GLDC: variants seen among roughly 807,000 people sequenced by gnomAD.
The protein encoded by GLDC is glycine decarboxylase.
Under a neutral mutation model 121.3 loss-of-function variants are expected in GLDC, and 104 were observed. That is an observed-to-expected ratio of 0.86 (90% CI 0.73 to 1.01). GLDC has a LOEUF of 1.01. GLDC is among the 50% of genes least tolerant of loss of function. The probability of loss-of-function intolerance (pLI) is 0.00; values close to 1 mark genes in which losing one functional copy is unlikely to be tolerated. For synonymous variants in GLDC, 546 were observed against 480.6 expected (o/e 1.14, Z -1.78); for missense variants, 1,429 against 1,306.6 (o/e 1.09, Z -1.44).
At position 6,619,925 on chromosome 9, in the gene GLDC, G is replaced by C. The variant is rs147538566; in HGVS notation, c.470+259C>G. Among the ~76,000 whole-genome samples, 450 of 152,324 alleles carry C rather than the reference G, an allele frequency of 3.0e-3. 2 individuals are homozygous for C. Among genetic ancestry groups the C allele is most frequent in the African/African-American group, 0.01 (429 of 41,560 alleles). On this transcript the variant is annotated intron_variant, in intron 3 of 24. Transcript: ENST00000321612. ...AGCACAGAAATTAAGCTGCAGAAGAGGAAGAGATGACCAGATCCACAATTT... is the reference window on the plus strand; with the variant it reads ...AGCACAGAAATTAAGCTGCAGAAGACGAAGAGATGACCAGATCCACAATTT...
At chr9:6,556,446 G>A in intron 17 of GLDC, 144 bp from the exon 18 acceptor site, 5 of 681,658 alleles carry the variant, frequency 7.3e-6, no homozygotes, top group Admixed American at 7.2e-5. Flanking sequence ...TACAATGACA[G>A]CAATAAAAAA....
chr9:6,571,171 T>TAA (rs1817958955), intron 15 of GLDC, among the ~76,000 whole-genome samples: 1 of 150,942 alleles, frequency 6.6e-6, no homozygotes, highest in South Asian at 2.1e-4. Context: ...GCTACTTTTT[T>TAA]TAAAAAAAAA....
chr9:6,574,718 A>G (rs145007048), intron 15 of GLDC, among the ~76,000 whole-genome samples: 2 of 152,034 alleles, frequency 1.3e-5, no homozygotes, highest in Non-Finnish European at 2.9e-5. Context: ...TTTTCCTGGC[A>G]TTCTGACTGT....
intron 21 of GLDC, among the ~76,000 whole-genome samples, chr9:6,542,554 C>T (rs1222748299): frequency 1.9e-4 from 29 of 151,748 alleles, no homozygotes; most frequent in Admixed American, 1.8e-3. Context: ...TGCTTTCTAA[C>T]AATGATGGGG....
intron 2 of GLDC, among the ~76,000 whole-genome samples, chr9:6,636,733 C>CCA (rs1458900711): frequency 6.6e-6 from 1 of 152,046 alleles, no homozygotes; most frequent in Non-Finnish European, 1.5e-5. Context: ...TGTAATCACA[C>CCA]CACTGCACTC....
chr9:6,543,446 G>C (rs1469321366), intron 21 of GLDC, among the ~76,000 whole-genome samples: 1 of 152,116 alleles, frequency 6.6e-6, no homozygotes, highest in South Asian at 2.1e-4. Context: ...CAGAGGTTCA[G>C]TAATAGCTGA....
chr9:6,611,398 T>C (rs1039570364), intron 3 of GLDC, among the ~76,000 whole-genome samples: 1 of 152,090 alleles, frequency 6.6e-6, no homozygotes, highest in Non-Finnish European at 1.5e-5. Context: ...CTACTAAAAA[T>C]ACAAACAATT....
intron 21 of GLDC, among the ~76,000 whole-genome samples, chr9:6,543,990 A>T (rs1817330259): frequency 1.3e-5 from 2 of 152,168 alleles, no homozygotes; most frequent in African/African-American, 4.8e-5. Context: ...GGTAAGAACA[A>T]TATGGGAGTG....
At chr9:6,539,460 C>G (rs1456187193) in intron 22 of GLDC, among the ~76,000 whole-genome samples, 1 of 152,066 alleles carries the variant, frequency 6.6e-6, no homozygotes, top group Non-Finnish European at 1.5e-5. Flanking sequence ...GCCTGGGCGA[C>G]AAAGTGAGAC....
chr9:6,532,858 C>G lies in GLDC; in HGVS notation c.*159G>C. Reference sequence around the variant, plus strand: ...TCCAACCATCAGCTTCGACTCCCTCCAGCTACTGTATTTACATTTACCTTG... The same window carrying G: ...TCCAACCATCAGCTTCGACTCCCTCGAGCTACTGTATTTACATTTACCTTG... On this transcript the variant is annotated 3_prime_UTR_variant, in exon 25 of 25. Coordinates refer to ENST00000321612, the MANE Select transcript of GLDC (RefSeq NM_000170.3). 1.4e-6 allele frequency: 1 copy of G among 705,928 alleles called. No homozygotes were observed. Among genetic ancestry groups the G allele is most frequent in the Non-Finnish European group, 2.6e-6 (1 of 389,386 alleles). 43.7% of individuals were successfully genotyped at this position (705,928 alleles called of 1,614,324 possible).
intron 2 of GLDC, among the ~76,000 whole-genome samples, chr9:6,637,093 T>C (rs1260283356): frequency 6.7e-6 from 1 of 149,932 alleles, no homozygotes; most frequent in East Asian, 2.0e-4. Flanking sequence ...GTTTGTTTTT[T>C]TTTTTAAAAA....
intron 2 of GLDC, among the ~76,000 whole-genome samples, chr9:6,638,151 A>G (rs1819547137): frequency 6.6e-6 from 1 of 151,552 alleles, no homozygotes; most frequent in African/African-American, 2.4e-5. Context: ...TGCACATTGC[A>G]TTTCTCCATT....
At position 6,533,123 on chromosome 9, in the gene GLDC, A is replaced by T; in HGVS notation, c.2957T>A (p.Ile986Asn). The T allele has an allele frequency of 6.2e-7, 1 of 1,613,238 alleles. No homozygotes were observed. The highest frequency in any genetic ancestry group is 8.5e-7 in the Non-Finnish European group (1 of 1,179,228). ...VKPENKFWPTIARIDDIYGDQ... is the reference protein window; with the variant it reads ...VKPENKFWPTNARIDDIYGDQ... ...TCCATATATGTCATCAATCCGGGCA[A>T]TCGTTGGCCAGAATTTGTTCTCTGG... is the stretch of plus-strand genomic sequence containing the variant. Residue 986 changes from isoleucine (I) to asparagine (N), a missense_variant, in exon 25 of 25, where the codon ATT becomes AAT. Physicochemically the swap from Ile to Asn is moderately radical, Grantham distance 149 (BLOSUM62 -3). Transcript: ENST00000321612.
chr9:6,581,399 CG>C, intron 15 of GLDC, among the ~76,000 whole-genome samples: 1 of 152,300 alleles, frequency 6.6e-6, no homozygotes, highest in Admixed American at 6.5e-5. Context: ...CTGTGCTTTC[CG>C]GGATCAGCAA....
At chr9:6,565,712 C>G (rs1356217193) in intron 15 of GLDC, 1 of 580,704 alleles carries the variant, frequency 1.7e-6, no homozygotes, top group Admixed American at 3.1e-5. Context: ...TGAAAATAGC[C>G]TTTTGTTATT....
chr9:6,612,906 G>T (rs1439305611), intron 3 of GLDC, among the ~76,000 whole-genome samples: 1 of 152,070 alleles, frequency 6.6e-6, no homozygotes, highest in Non-Finnish European at 1.5e-5. Flanking sequence ...GTTTGAGGCT[G>T]CAATGAGCCA....
chr9:6,572,338 C>T (rs924980496), intron 15 of GLDC, among the ~76,000 whole-genome samples: 2 of 152,148 alleles, frequency 1.3e-5, no homozygotes, highest in African/African-American at 4.8e-5. Flanking sequence ...GACATGCTGT[C>T]AATGTGCTTA....
rs1252033640 is a variant in GLDC at position 6,536,209 on chromosome 9, G to A, written c.2693C>T (p.Pro898Leu). The stretch of plus-strand genomic sequence containing the variant: ...CTCCACCATGAGGGTCCCTGCCACA[G>A]GCCAGGACATGGTAGGGGCGTGAAA... ...YGFHAPTMSWPVAGTLMVEPT... is the reference protein window; with the variant it reads ...YGFHAPTMSWLVAGTLMVEPT... The change falls in exon 23 of 25, where the codon CCT becomes CTT. Residue 898 changes from proline (P) to leucine (L), a missense_variant. By Grantham distance (98) the Pro-to-Leu change is moderately conservative (BLOSUM62 -3). Coordinates refer to ENST00000321612, the MANE Select transcript of GLDC (RefSeq NM_000170.3). 1 of 1,614,078 alleles carries A rather than the reference G, an allele frequency of 6.2e-7. No homozygotes were observed. Among genetic ancestry groups the A allele is most frequent in the Admixed American group, 1.7e-5 (1 of 60,014 alleles).
chr9:6,558,094 C>G (rs1817674822), intron 17 of GLDC: 1 of 238,890 alleles, frequency 4.2e-6, no homozygotes, highest in African/African-American at 2.2e-5. Context: ...CAACTTCTTC[C>G]TGGAGGTTGG....
Sources: gnomAD v4.1 joint callset for allele counts (sites outside exome capture counted in the v4.1 genomes callset) on GRCh38, gnomAD v4.1.1 for gene constraint, MANE v1.5 for transcripts, NCBI Gene and HGNC (gene_info 2026-07-23, HGNC 2026-07-21) for gene names.